Variants in CDYL observed in about 807,000 individuals in gnomAD.
CDYL encodes the protein chromodomain Y-like protein.
A neutral mutation model predicts 47.3 loss-of-function variants in CDYL; 8 were observed. The observed-to-expected ratio is 0.17, with a 90% CI of 0.10 to 0.31. The LOEUF is 0.31. Among genes scored for constraint, CDYL ranks in the 10% least tolerant of loss-of-function variants. The pLI is 1.00. For missense variants in CDYL, 471 were observed against 701.4 expected (o/e 0.67, Z 3.71); for synonymous variants, 266 against 265.0 (o/e 1.00, Z -0.04).
chr6:4,843,409 T>A (rs1760560635), intron 1 of CDYL, among the ~76,000 whole-genome samples: 2 of 152,004 alleles, frequency 1.3e-5, no homozygotes, highest in Admixed American at 1.3e-4. Flanking sequence ...ATTCCCTCAA[T>A]ATGTTTTTCA....
At chr6:4,738,572 C>T (rs531072345) in intron 3 of CDYL, among the ~76,000 whole-genome samples, 20 of 152,302 alleles carry the variant, frequency 1.3e-4, no homozygotes, top group East Asian at 3.9e-4. Flanking sequence ...GATTCTCATG[C>T]ACTATTAGTG....
At chr6:4,891,347 G>A (rs759932298) in intron 1 of CDYL, among the ~76,000 whole-genome samples, 7 of 152,126 alleles carry the variant, frequency 4.6e-5, no homozygotes, top group Non-Finnish European at 1.0e-4. Context: ...CCCGCTGCTG[G>A]AACCCTGGGA....
chr6:4,744,225 G>A (rs1434122526), intron 3 of CDYL, among the ~76,000 whole-genome samples: 1 of 152,210 alleles, frequency 6.6e-6, no homozygotes, highest in Non-Finnish European at 1.5e-5. Flanking sequence ...CAGGCGCGAA[G>A]TCTCACACTG....
At chr6:4,863,291 A>G (rs1761224946) in intron 1 of CDYL, among the ~76,000 whole-genome samples, 1 of 152,238 alleles carries the variant, frequency 6.6e-6, no homozygotes, top group African/African-American at 2.4e-5. Context: ...GAGAAGCCCA[A>G]ACCCCAGCTT....
intron 2 of CDYL, among the ~76,000 whole-genome samples, chr6:4,914,386 T>G (rs2127502470): frequency 6.6e-6 from 1 of 152,204 alleles, no homozygotes; most frequent in African/African-American, 2.4e-5. Context: ...CCACACTTTC[T>G]CATTAGCGAA....
At chr6:4,942,824 C>T (rs1319490927) in intron 4 of CDYL, among the ~76,000 whole-genome samples, 1 of 152,168 alleles carries the variant, frequency 6.6e-6, no homozygotes, top group Non-Finnish European at 1.5e-5. Flanking sequence ...CACTGTCCTC[C>T]GAACTCCTGC....
intron 2 of CDYL, among the ~76,000 whole-genome samples, chr6:4,721,090 A>G (rs72821411): frequency 0.044 from 6,675 of 152,290 alleles, 163 homozygotes; most frequent in Middle Eastern, 0.078. Context: ...ACAGACTATT[A>G]AAGTATGCTT....
chr6:4,872,775 A>G (rs148252821), intron 1 of CDYL, among the ~76,000 whole-genome samples: 1 of 152,282 alleles, frequency 6.6e-6, no homozygotes, highest in East Asian at 1.9e-4. Context: ...CTAGATAGAA[A>G]ATTCTTAACC....
intron 2 of CDYL, among the ~76,000 whole-genome samples, chr6:4,719,215 T>G (rs1286855558): frequency 1.3e-5 from 2 of 152,186 alleles, no homozygotes; most frequent in Non-Finnish European, 2.9e-5. Context: ...ACCTGGCTGT[T>G]TATTTCCACT....
chr6:4,902,549 C>G (rs1757100140), intron 2 of CDYL, among the ~76,000 whole-genome samples: 1 of 152,166 alleles, frequency 6.6e-6, no homozygotes, highest in Non-Finnish European at 1.5e-5. Flanking sequence ...ATGCTGCTCA[C>G]CAGGAGACTG....
At chr6:4,851,112 C>A (rs919319371) in intron 1 of CDYL, among the ~76,000 whole-genome samples, 1 of 152,274 alleles carries the variant, frequency 6.6e-6, no homozygotes, top group Non-Finnish European at 1.5e-5. Context: ...CTACACGTTC[C>A]CTTTCAGAGC....
intron 1 of CDYL, among the ~76,000 whole-genome samples, chr6:4,791,400 G>A (rs909623476): frequency 6.6e-6 from 1 of 152,220 alleles, no homozygotes; most frequent in Non-Finnish European, 1.5e-5. Context: ...TAGTACTGAA[G>A]TACTTTAGTT....
chr6:4,724,000 C>G (rs1490559931), intron 2 of CDYL, among the ~76,000 whole-genome samples: 1 of 152,190 alleles, frequency 6.6e-6, no homozygotes, highest in East Asian at 1.9e-4. Flanking sequence ...TTTTACTCAT[C>G]CCACATACCT....
intron 2 of CDYL, among the ~76,000 whole-genome samples, chr6:4,902,601 T>C (rs1259151121): frequency 1.3e-5 from 2 of 152,200 alleles, no homozygotes; most frequent in African/African-American, 2.4e-5. Context: ...GAATAGGTGT[T>C]CTTCCTCCTT....
intron 1 of CDYL, among the ~76,000 whole-genome samples, chr6:4,855,036 A>G (rs895935023): frequency 1.3e-5 from 2 of 152,348 alleles, no homozygotes; most frequent in Admixed American, 1.3e-4. Context: ...AATTCTAGAA[A>G]TAGTCTATGT....
chr6:4,794,242 A>C (rs1389871437), intron 1 of CDYL, among the ~76,000 whole-genome samples: 1 of 152,140 alleles, frequency 6.6e-6, no homozygotes, highest in African/African-American at 2.4e-5. Flanking sequence ...ACGTGGCCAG[A>C]GGAGGAGGAG....
intron 2 of CDYL, among the ~76,000 whole-genome samples, chr6:4,894,564 TATGA>T (rs1285933542): frequency 1.3e-5 from 2 of 152,202 alleles, no homozygotes; most frequent in Non-Finnish European, 2.9e-5. Flanking sequence ...CATCCATTAC[TATGA>T]ATGAATGGAG....
intron 1 of CDYL, among the ~76,000 whole-genome samples, chr6:4,866,587 C>T (rs9504276): frequency 0.021 from 3,261 of 152,100 alleles, 77 homozygotes; most frequent in East Asian, 0.088. Context: ...AGATCATTTT[C>T]TTCAGTGTCA....
At chr6:4,824,843 G>A (rs1363619450) in intron 1 of CDYL, among the ~76,000 whole-genome samples, 1 of 151,898 alleles carries the variant, frequency 6.6e-6, no homozygotes, top group Non-Finnish European at 1.5e-5. Flanking sequence ...TTGAGTACAA[G>A]CTTTTCCGTT....
Sources: allele counts gnomAD v4.1 joint callset (sites outside exome capture counted in the v4.1 genomes callset), GRCh38; gene constraint gnomAD v4.1.1; transcripts MANE v1.5; gene names NCBI Gene and HGNC (gene_info 2026-07-23, HGNC 2026-07-21).